The following ANKRD26 variants were observed in gnomAD, a reference collection of about 807,000 sequenced individuals.
The protein encoded by ANKRD26 is ankyrin repeat domain 26.
In ANKRD26, 141 loss-of-function variants were observed where a neutral mutation model predicts 208.7. That is an observed-to-expected ratio of 0.68 (90% CI 0.59 to 0.78). The LOEUF (loss-of-function observed/expected upper bound fraction) is 0.78, where lower values mean the gene tolerates loss of function less well. Among genes scored for constraint, ANKRD26 ranks in the 30% least tolerant of loss-of-function variants. The pLI is 0.00. For synonymous variants in ANKRD26, 636 were observed against 660.4 expected (o/e 0.96, Z 0.57); for missense variants, 1,889 against 1,938.7 (o/e 0.97, Z 0.48).
chr10:26,967,352 G>A, the ANKRD26 span, among the ~76,000 whole-genome samples: 1 of 152,196 alleles, frequency 6.6e-6, no homozygotes, highest in African/African-American at 2.4e-5. Context: ...TAAAAGAGAT[G>A]AGCCAGGATG....
chr10:27,079,713 C>T (rs1483796671), intron 6 of ANKRD26, among the ~76,000 whole-genome samples: 2 of 151,952 alleles, frequency 1.3e-5, no homozygotes, highest in Non-Finnish European at 2.9e-5. Flanking sequence ...ATTAACCAGG[C>T]GTGGTGGCAT....
chr10:27,072,037 G>C (rs1174441845), intron 9 of ANKRD26, among the ~76,000 whole-genome samples: 1 of 152,244 alleles, frequency 6.6e-6, no homozygotes, highest in African/African-American at 2.4e-5. Flanking sequence ...ATCATCTTGA[G>C]TGGGGATAAC....
the ANKRD26 span, among the ~76,000 whole-genome samples, chr10:26,951,850 G>A: frequency 6.6e-6 from 1 of 152,186 alleles, no homozygotes; most frequent in Non-Finnish European, 1.5e-5. Context: ...ACCCTGGAGG[G>A]ACTGCCCCTC....
chr10:27,066,137 A>G (rs2055236716), intron 11 of ANKRD26: 1 of 162,884 alleles, frequency 6.1e-6, no homozygotes, highest in Non-Finnish European at 1.3e-5. Context: ...CTGGGATTAC[A>G]GGCATGAGCC....
At chr10:26,972,588 C>CTTTTT (rs773904333), downstream of ANKRD26, among the ~76,000 whole-genome samples, 1 of 121,980 alleles carries the variant, frequency 8.2e-6, no homozygotes, top group Admixed American at 8.3e-5. Flanking sequence ...CAAAGTGATT[C>CTTTTT]TTTTTTTTTT....
intron 1 of ANKRD26, among the ~76,000 whole-genome samples, chr10:27,099,459 G>T (rs1300244659): frequency 6.6e-6 from 1 of 151,768 alleles, no homozygotes; most frequent in South Asian, 2.1e-4. Flanking sequence ...TGAAAGATAG[G>T]GTCTTGCTCT....
intron 16 of ANKRD26, chr10:27,051,915 A>G: frequency 2.0e-6 from 2 of 985,314 alleles, no homozygotes; most frequent in Non-Finnish European, 2.4e-6. Flanking sequence ...ATTTGTGATG[A>G]GTTTTAAGTT....
exon 6 of ANKRD26, among the ~76,000 whole-genome samples, chr10:26,975,933 A>G (rs2052220494): frequency 6.6e-6 from 1 of 152,092 alleles, no homozygotes; most frequent in South Asian, 2.1e-4. Flanking sequence ...GGCATTACGT[A>G]GGATAAGATT....
At chr10:26,978,900 C>T (rs1173605650) in intron 5 of ANKRD26, among the ~76,000 whole-genome samples, 1 of 152,184 alleles carries the variant, frequency 6.6e-6, no homozygotes, top group Non-Finnish European at 1.5e-5. Flanking sequence ...AACATACCCT[C>T]CTGTTTCAGT....
At chr10:27,022,424 A>G (rs2053520176) in intron 29 of ANKRD26, 134 bp downstream of exon 29, 1 of 670,014 alleles carries the variant, frequency 1.5e-6, no homozygotes. Flanking sequence ...AAAAGTTTAA[A>G]AAAAGTTTTT....
At chr10:27,078,961 C>A in intron 7 of ANKRD26, 128 bp downstream of exon 7, 1 of 590,254 alleles carries the variant, frequency 1.7e-6, no homozygotes. Context: ...TATAAAATGG[C>A]TTCCCCTGAC....
At chr10:26,967,605 T>C in the ANKRD26 span, among the ~76,000 whole-genome samples, 4 of 152,154 alleles carry the variant, frequency 2.6e-5, no homozygotes, top group African/African-American at 7.2e-5. Context: ...TCTCCTCCAA[T>C]GGTCTACAGA....
At chr10:26,958,983 T>C in the ANKRD26 span, among the ~76,000 whole-genome samples, 5 of 152,186 alleles carry the variant, frequency 3.3e-5, no homozygotes, top group African/African-American at 7.2e-5. Flanking sequence ...TGTTTAGTAA[T>C]AGGCATTCTG....
chr10:26,994,548 T>C (rs1175338221), intron 5 of ANKRD26, among the ~76,000 whole-genome samples: 1 of 152,238 alleles, frequency 6.6e-6, no homozygotes, highest in Non-Finnish European at 1.5e-5. Flanking sequence ...CTGGGTTTTC[T>C]TCAACATGTT....
intron 29 of ANKRD26, 61 bp from the exon 30 acceptor site, chr10:27,017,853 T>A (rs1001748851): frequency 8.8e-6 from 13 of 1,481,112 alleles, no homozygotes; most frequent in Non-Finnish European, 1.2e-5. Flanking sequence ...TAGCCTAACA[T>A]AAAACCAAGA....
intron 12 of ANKRD26, among the ~76,000 whole-genome samples, chr10:27,063,046 C>T (rs1392802311): frequency 1.3e-5 from 2 of 152,270 alleles, no homozygotes; most frequent in Non-Finnish European, 2.9e-5. Context: ...GCGTGAGCCA[C>T]CGTGCCCAGC....
intron 27 of ANKRD26, 46 bp from the exon 28 acceptor site, chr10:27,024,605 C>T (rs1196762984): frequency 9.1e-7 from 1 of 1,102,252 alleles, no homozygotes; most frequent in East Asian, 2.4e-5. Flanking sequence ...TCTGGAAACA[C>T]TTTTTTTCTT....
intron 9 of ANKRD26, among the ~76,000 whole-genome samples, chr10:27,073,155 T>C (rs906267322): frequency 6.6e-6 from 1 of 152,114 alleles, no homozygotes; most frequent in Non-Finnish European, 1.5e-5. Flanking sequence ...TTGTGGGAAG[T>C]TTCCTTCAGC....
chr10:27,099,899 TTC>T (rs2135793007), intron 1 of ANKRD26, among the ~76,000 whole-genome samples, 184 bp downstream of exon 1: 1 of 151,806 alleles, frequency 6.6e-6, no homozygotes, highest in African/African-American at 2.4e-5. Flanking sequence ...CCAGCTAGAG[TTC>T]TGTTTTTGTT....
Sources: allele counts gnomAD v4.1 joint callset (sites outside exome capture counted in the v4.1 genomes callset), GRCh38; gene constraint gnomAD v4.1.1; transcripts MANE v1.5; gene names NCBI Gene and HGNC (gene_info 2026-07-23, HGNC 2026-07-21).